The following ZCCHC17 variants were observed in gnomAD, a reference collection of about 807,000 sequenced individuals.
ZCCHC17 encodes zinc finger CCHC-type containing 17.
A neutral mutation model predicts 30.6 loss-of-function variants in ZCCHC17; 18 were observed. The ratio of observed to expected loss-of-function variants is 0.59; its 90% CI spans 0.41 to 0.87. The LOEUF (loss-of-function observed/expected upper bound fraction) is 0.87, where lower values mean the gene tolerates loss of function less well. Ranked by LOEUF, ZCCHC17 falls within the 40% of genes least tolerant of loss-of-function variation. ZCCHC17 has a pLI of 0.00. For missense variants in ZCCHC17, 263 were observed against 284.2 expected (o/e 0.93, Z 0.54); for synonymous variants, 88 against 92.4 (o/e 0.95, Z 0.27).
chr1:31,338,271 T>G lies in ZCCHC17; in HGVS notation c.226-686T>G, dbSNP rs556232878. Among the ~76,000 whole-genome samples, 3 of 152,046 alleles carry G rather than the reference T, an allele frequency of 2.0e-5. No individual in the cohort carries two copies. In the South Asian group the frequency reaches 6.2e-4, roughly 32 times the overall value. ...AAGTGCTGGAATTACAGGCATGAAT[T>G]TCCATGCCTGACCAAGACAAATATA... is the stretch of plus-strand genomic sequence containing the variant. On this transcript the variant is annotated intron_variant, in intron 4 of 7. Coordinates refer to ENST00000344147, the MANE Select transcript of ZCCHC17 (RefSeq NM_016505.4).
chr1:31,317,404 T>C (rs951675441), intron 2 of ZCCHC17, among the ~76,000 whole-genome samples: 1 of 152,206 alleles, frequency 6.6e-6, no homozygotes, highest in Non-Finnish European at 1.5e-5. Flanking sequence ...CTGTAAATTA[T>C]TGAAAAGCTA....
At chr1:31,322,911 G>A (rs772464557) in intron 3 of ZCCHC17, among the ~76,000 whole-genome samples, 4 of 151,872 alleles carry the variant, frequency 2.6e-5, no homozygotes, top group African/African-American at 7.3e-5. Context: ...TGGTAGAGAC[G>A]GGGTTTCACT....
At chr1:31,336,608 A>T (rs540284622) in intron 3 of ZCCHC17, among the ~76,000 whole-genome samples, 2 of 152,080 alleles carry the variant, frequency 1.3e-5, no homozygotes, top group Non-Finnish European at 2.9e-5. Context: ...GTATTCTCCC[A>T]TCTTGGCCTT....
chr1:31,353,551 A>G lies in ZCCHC17; in HGVS notation c.564+4577A>G, dbSNP rs185599616. On this transcript the variant is annotated intron_variant, in intron 7 of 7. Coordinates refer to ENST00000344147, the MANE Select transcript of ZCCHC17 (RefSeq NM_016505.4). ...GCTGATGCTTTTAATGTCATACTCA[A>G]GAAATCATTGCCAAATCCAATGTCA... 2.5e-3 allele frequency among the ~76,000 whole-genome samples: 383 copies of G among 152,350 alleles called. 2 individuals carry two copies. Among genetic ancestry groups the G allele is most frequent in the African/African-American group, 8.7e-3 (361 of 41,578 alleles).
intron 3 of ZCCHC17, among the ~76,000 whole-genome samples, chr1:31,320,744 A>G (rs937372326): frequency 6.6e-6 from 1 of 152,178 alleles, no homozygotes; most frequent in Admixed American, 6.5e-5. Context: ...ATGTTGCTAT[A>G]AATATTTGTG....
At chr1:31,359,125 G>T (rs899340783) in intron 7 of ZCCHC17, among the ~76,000 whole-genome samples, 1 of 152,132 alleles carries the variant, frequency 6.6e-6, no homozygotes, top group Non-Finnish European at 1.5e-5. Flanking sequence ...GAGGTTACTG[G>T]TAATTTTGTT....
At chr1:31,325,344 C>T (rs192787516) in intron 3 of ZCCHC17, among the ~76,000 whole-genome samples, 6 of 152,330 alleles carry the variant, frequency 3.9e-5, no homozygotes, top group East Asian at 1.9e-4. Context: ...CGTTGAATGG[C>T]GGGACTGAAA....
chr1:31,321,459 A>G (rs1441614140), intron 3 of ZCCHC17, among the ~76,000 whole-genome samples: 2 of 152,184 alleles, frequency 1.3e-5, no homozygotes, highest in Non-Finnish European at 2.9e-5. Context: ...TAGCAGTGTA[A>G]GAACAGACTA....
rs980175154 is a variant in ZCCHC17 at position 31,319,426 on chromosome 1, A to G, written c.124+260A>G. 5.9e-5 allele frequency among the ~76,000 whole-genome samples: 9 copies of G among 152,138 alleles called. No homozygotes were observed. In the East Asian group the frequency reaches 1.7e-3, roughly 29 times the overall value. On this transcript the variant is annotated intron_variant, in intron 3 of 7. Transcript: ENST00000344147. ...AGCTCCTCCTTAGACTTCACCTGTG[A>G]CCCTAGGCAAATCACTTGACTTCTT... is the stretch of plus-strand genomic sequence containing the variant.
intron 3 of ZCCHC17, among the ~76,000 whole-genome samples, chr1:31,326,004 A>G (rs1474908501): frequency 6.6e-6 from 1 of 152,154 alleles, no homozygotes; most frequent in East Asian, 1.9e-4. Context: ...AAAAAAAAAA[A>G]AAAGAAAAAA....
chr1:31,333,105 C>CATA (rs1445940891), intron 3 of ZCCHC17: 7 of 152,180 alleles, frequency 4.6e-5, no homozygotes, highest in Admixed American at 3.3e-4. Context: ...AGATGTACCA[C>CATA]ATAATCATTT....
At position 31,364,304 on chromosome 1, in the gene ZCCHC17, C is replaced by G; in HGVS notation, c.*111C>G. ...ATATAGCCTCCCACCCCATTAACTT[C>G]GCTCCCATGGGAGATGGCTTCCCCT... On this transcript the variant is annotated 3_prime_UTR_variant, in exon 8 of 8. Transcript: ENST00000344147. 1 of 1,443,236 alleles carries G rather than the reference C, an allele frequency of 6.9e-7. No homozygotes were observed. The highest frequency in any genetic ancestry group is 9.1e-7 in the Non-Finnish European group (1 of 1,095,188). 89.4% of individuals were successfully genotyped at this position (1,443,236 alleles called of 1,614,324 possible).
At chr1:31,313,306 T>C (rs138311864) in intron 2 of ZCCHC17, among the ~76,000 whole-genome samples, 1 of 152,164 alleles carries the variant, frequency 6.6e-6, no homozygotes, top group Non-Finnish European at 1.5e-5. Flanking sequence ...ACTCCTGAGC[T>C]CAAGTGATCT....
In ZCCHC17 at chr1:31,314,442, G is replaced by GAA. The variant is rs77025494; in HGVS notation, c.66+4292_66+4293dup. Among the ~76,000 whole-genome samples, 7 of 107,974 alleles carry GAA rather than the reference G, an allele frequency of 6.5e-5. No homozygotes were observed. The East Asian group carries it at 1.3e-3, about 20-fold the overall frequency. The allele number at this position is 107,974 out of a possible 152,430, so 70.8% of individuals were successfully genotyped here. ...AAAGAAGAGGAGTTACATTAAAATT[G>GAA]AAAAAAAAAAAAAAAGGTGTAAGCC... On this transcript the variant is annotated intron_variant, in intron 2 of 7. Coordinates refer to ENST00000344147, the MANE Select transcript of ZCCHC17 (RefSeq NM_016505.4).
chr1:31,329,821 C>T (rs1483395900), intron 3 of ZCCHC17, among the ~76,000 whole-genome samples: 1 of 152,180 alleles, frequency 6.6e-6, no homozygotes, highest in East Asian at 1.9e-4. Context: ...CCTTAATTTC[C>T]TTATCCCTGA....
At chr1:31,322,909 A>T (rs959788933) in intron 3 of ZCCHC17, among the ~76,000 whole-genome samples, 2 of 151,722 alleles carry the variant, frequency 1.3e-5, no homozygotes, top group African/African-American at 2.4e-5. Flanking sequence ...TTTGGTAGAG[A>T]CGGGGTTTCA....
intron 5 of ZCCHC17, among the ~76,000 whole-genome samples, chr1:31,346,322 C>G (rs1639270899): frequency 6.6e-6 from 1 of 152,118 alleles, no homozygotes; most frequent in Non-Finnish European, 1.5e-5. Context: ...GAATTTGGAG[C>G]TGATTTTCTA....
rs139581027 is a variant in ZCCHC17 at position 31,336,272 on chromosome 1, C to T, written c.125-903C>T. On this transcript the variant is annotated intron_variant, in intron 3 of 7. Coordinates refer to ENST00000344147, the MANE Select transcript of ZCCHC17 (RefSeq NM_016505.4). ...ATTTTTGGTAGAGATGGGGTTTTAT[C>T]ATGTTGCCCAGGCTAGACTGCAAGT... 6.7e-3 allele frequency among the ~76,000 whole-genome samples: 1,013 copies of T among 152,144 alleles called. 6 individuals are homozygous for T. Among genetic ancestry groups the T allele is most frequent in the Non-Finnish European group, 0.01 (713 of 67,988 alleles).
intron 4 of ZCCHC17, 66 bp downstream of exon 4, chr1:31,337,341 T>C (rs1179049411): frequency 7.2e-7 from 1 of 1,391,016 alleles, no homozygotes; most frequent in African/African-American, 1.4e-5. Flanking sequence ...TTTGATATTT[T>C]ATGATAGTGA....
Sources: allele counts gnomAD v4.1 joint callset (sites outside exome capture counted in the v4.1 genomes callset), GRCh38; gene constraint gnomAD v4.1.1; transcripts MANE v1.5; gene names NCBI Gene and HGNC (gene_info 2026-07-23, HGNC 2026-07-21).